Variants in ASIC2 observed in about 807,000 individuals in gnomAD.
The protein encoded by ASIC2 is acid sensing ion channel subunit 2.
ASIC2 carries 25 observed loss-of-function variants against 57.3 expected under a neutral mutation model. The ratio of observed to expected loss-of-function variants is 0.44; its 90% CI spans 0.32 to 0.61. The LOEUF (loss-of-function observed/expected upper bound fraction) is 0.61, where lower values mean the gene tolerates loss of function less well. Ranked by LOEUF, ASIC2 falls within the 20% of genes least tolerant of loss-of-function variation. The pLI is 0.06. For synonymous variants in ASIC2, 319 were observed against 307.5 expected (o/e 1.04, Z -0.39); for missense variants, 641 against 738.1 (o/e 0.87, Z 1.52).
chr17:33,377,971 A>G (rs867324747), intron 1 of ASIC2, among the ~76,000 whole-genome samples: 5 of 152,226 alleles, frequency 3.3e-5, no homozygotes, highest in South Asian at 2.1e-4. Flanking sequence ...CAGCAGCCAA[A>G]TGGGTTGCCC....
At chr17:33,850,538 G>A (rs1378562248) in intron 1 of ASIC2, among the ~76,000 whole-genome samples, 1 of 152,184 alleles carries the variant, frequency 6.6e-6, no homozygotes, top group Non-Finnish European at 1.5e-5. Flanking sequence ...TAGATATTAA[G>A]GGGAGAACAT....
At chr17:33,157,907 TC>T (rs1905052621) in intron 1 of ASIC2, among the ~76,000 whole-genome samples, 1 of 152,156 alleles carries the variant, frequency 6.6e-6, no homozygotes, top group Non-Finnish European at 1.5e-5. Context: ...CTACCACTTC[TC>T]CCCAGGGGCT....
At chr17:33,365,603 T>C (rs1437589346) in intron 1 of ASIC2, among the ~76,000 whole-genome samples, 1 of 152,212 alleles carries the variant, frequency 6.6e-6, no homozygotes, top group African/African-American at 2.4e-5. Flanking sequence ...AGGTCATCCA[T>C]AAAATGTTCC....
intron 1 of ASIC2, among the ~76,000 whole-genome samples, chr17:33,311,579 C>T (rs769429179): frequency 6.6e-6 from 1 of 152,066 alleles, no homozygotes; most frequent in Non-Finnish European, 1.5e-5. Context: ...CCTGTTTGCT[C>T]TGCTAGGAGC....
At chr17:33,731,716 G>A (rs534709545) in intron 1 of ASIC2, among the ~76,000 whole-genome samples, 46 of 152,322 alleles carry the variant, frequency 3.0e-4, no homozygotes, top group Non-Finnish European at 6.0e-4. Flanking sequence ...TAAATCATAA[G>A]TGTCTCAGCT....
chr17:33,198,759 A>C (rs958219106), intron 1 of ASIC2, among the ~76,000 whole-genome samples: 1 of 152,236 alleles, frequency 6.6e-6, no homozygotes, highest in Non-Finnish European at 1.5e-5. Context: ...GAGCCAAAGG[A>C]AATAGGCAAA....
At chr17:34,142,614 A>T (rs1162962686) in intron 1 of ASIC2, among the ~76,000 whole-genome samples, 1 of 152,218 alleles carries the variant, frequency 6.6e-6, no homozygotes, top group Non-Finnish European at 1.5e-5. Flanking sequence ...CTCTCTCCAG[A>T]GCTCCAGCTC....
chr17:33,433,967 G>C (rs1326420631), intron 1 of ASIC2, among the ~76,000 whole-genome samples: 1 of 151,690 alleles, frequency 6.6e-6, no homozygotes, highest in African/African-American at 2.4e-5. Context: ...ATAGGTAAGA[G>C]AAACAGAAGG....
At position 33,423,317 on chromosome 17, in the gene ASIC2, T is replaced by G. The variant is rs116443551; in HGVS notation, c.556-311250A>C. Among the ~76,000 whole-genome samples the G allele has an allele frequency of 6.3e-3, 963 of 152,294 alleles. 4 individuals carry two copies. Among genetic ancestry groups the G allele is most frequent in the African/African-American group, 0.02 (818 of 41,558 alleles). ...GGTGAAAACATGATGAGTGCTGGAA[T>G]CAGAGTTGGGTTTGAATCTGGTCCT... is the stretch of plus-strand genomic sequence containing the variant. On this transcript the variant is annotated intron_variant, in intron 1 of 9. Transcript: ENST00000359872.
At chr17:33,643,740 A>G (rs1049473048) in intron 1 of ASIC2, among the ~76,000 whole-genome samples, 4 of 152,242 alleles carry the variant, frequency 2.6e-5, no homozygotes, top group African/African-American at 9.6e-5. Flanking sequence ...AACACTGAAC[A>G]GAGCTCCTGT....
intron 1 of ASIC2, among the ~76,000 whole-genome samples, chr17:34,138,134 G>C (rs2142134074): frequency 6.6e-6 from 1 of 152,244 alleles, no homozygotes; most frequent in South Asian, 2.1e-4. Flanking sequence ...AGGCAGAATA[G>C]GGGAGTGCAC....
At chr17:34,062,060 A>G (rs569898072) in intron 1 of ASIC2, among the ~76,000 whole-genome samples, 1 of 152,310 alleles carries the variant, frequency 6.6e-6, no homozygotes, top group South Asian at 2.1e-4. Flanking sequence ...TCCAACAACC[A>G]TAGAATACAC....
intron 1 of ASIC2, among the ~76,000 whole-genome samples, chr17:33,317,313 G>A (rs954653820): frequency 6.6e-6 from 1 of 152,126 alleles, no homozygotes; most frequent in Non-Finnish European, 1.5e-5. Flanking sequence ...GAGCTCTGAG[G>A]GTAGACCTTA....
At chr17:33,068,893 C>T (rs1198002923) in intron 3 of ASIC2, among the ~76,000 whole-genome samples, 1 of 151,794 alleles carries the variant, frequency 6.6e-6, no homozygotes, top group African/African-American at 2.4e-5. Context: ...TCAATTTGCT[C>T]TTCTTTTTTT....
At chr17:33,022,148 G>A (rs1434464652) in intron 6 of ASIC2, among the ~76,000 whole-genome samples, 1 of 152,180 alleles carries the variant, frequency 6.6e-6, no homozygotes, top group African/African-American at 2.4e-5. Flanking sequence ...GGCTCGCAGG[G>A]CAGCTGTTCA....
intron 1 of ASIC2, among the ~76,000 whole-genome samples, chr17:34,043,704 T>C (rs949434329): frequency 1.3e-5 from 2 of 152,178 alleles, no homozygotes; most frequent in African/African-American, 4.8e-5. Flanking sequence ...AAGTGTTCTG[T>C]AGATGAGCAG....
intron 1 of ASIC2, among the ~76,000 whole-genome samples, chr17:33,555,196 A>G (rs1915869836): frequency 6.6e-6 from 1 of 152,100 alleles, no homozygotes; most frequent in African/African-American, 2.4e-5. Flanking sequence ...CTATTCCCTG[A>G]GTTATGCCTG....
In ASIC2 at chr17:34,122,340, G is replaced by T. The variant is rs569763813; in HGVS notation, c.555+33638C>A. Reference sequence around the variant, plus strand: ...AGGGAGCGAGGGTCCAGCCCAGGCAGCCGACTCCACCACACTACCAGAATG... The same window carrying T: ...AGGGAGCGAGGGTCCAGCCCAGGCATCCGACTCCACCACACTACCAGAATG... On this transcript the variant is annotated intron_variant, in intron 1 of 9. Coordinates refer to the ASIC2 transcript ENST00000359872. Among the ~76,000 whole-genome samples the T allele has an allele frequency of 1.7e-4, 26 of 152,306 alleles. No homozygotes were observed. The South Asian group carries it at 5.2e-3, about 30-fold the overall frequency.
chr17:33,550,326 G>A (rs895587987), intron 1 of ASIC2, among the ~76,000 whole-genome samples: 5 of 152,194 alleles, frequency 3.3e-5, no homozygotes, highest in African/African-American at 1.2e-4. Context: ...TAACTGCTGC[G>A]GTCTGCTATG....
Sources: gnomAD v4.1 joint callset for allele counts (sites outside exome capture counted in the v4.1 genomes callset) on GRCh38, gnomAD v4.1.1 for gene constraint, MANE v1.5 for transcripts, NCBI Gene and HGNC (gene_info 2026-07-23, HGNC 2026-07-21) for gene names.